The following CFAP47 variants were observed in gnomAD, a reference collection of about 807,000 sequenced individuals.
The protein encoded by CFAP47 is cilia and flagella associated protein 47, also known as cilia- and flagella-associated protein 47.
Under a neutral mutation model 148.1 loss-of-function variants are expected in CFAP47, and 29 were observed. The observed-to-expected ratio is 0.20, with a 90% confidence interval of 0.15 to 0.27. CFAP47 has a LOEUF of 0.27. Ranked by LOEUF, CFAP47 falls within the 10% of genes least tolerant of loss-of-function variation. The pLI is 1.00. For synonymous variants in CFAP47, 664 were observed against 577.3 expected (o/e 1.15, Z -2.15); for missense variants, 1,872 against 1,697.5 (o/e 1.10, Z -1.81).
In CFAP47 at chrX:35,953,645, C is replaced by T. The variant is rs771109533; in HGVS notation, c.1100C>T (p.Ala367Val). The T allele has an allele frequency of 3.3e-6, 4 of 1,197,217 alleles. No homozygotes were observed. The Admixed American group carries it at 8.8e-5, about 26-fold the overall frequency. Residue 367 changes from alanine (A) to valine (V), a missense_variant, in exon 7 of 64, where the codon GCT becomes GTT. Coordinates refer to ENST00000378653, the MANE Select transcript of CFAP47 (RefSeq NM_001304548.2). ...GGACCTTCATACAGACAGGACTATG[C>T]TCTCTTTTTGAGATTTGAGTCCGTA... ...DIGPSYRQDY[A>V]LFLRFESVGS...
At chrX:36,009,657 G>C (rs937384209) in intron 21 of CFAP47, among the ~76,000 whole-genome samples, 2 of 112,083 alleles carry the variant, frequency 1.8e-5, no homozygotes, top group Non-Finnish European at 3.8e-5. Flanking sequence ...TATAAGAATG[G>C]ACTGTACATA....
At chrX:36,107,777 A>G (rs1362357078) in intron 33 of CFAP47, among the ~76,000 whole-genome samples, 1 of 111,552 alleles carries the variant, frequency 9.0e-6, no homozygotes, top group Non-Finnish European at 1.9e-5. Flanking sequence ...ATTACCATAT[A>G]TAACATTCTT....
In CFAP47 at chrX:35,964,093, C is replaced by G. The variant is rs778480865; in HGVS notation, c.1411-2472C>G. Among the ~76,000 whole-genome samples the G allele has an allele frequency of 2.7e-5, 3 of 111,619 alleles. No individual in the cohort carries two copies. In the East Asian group the frequency reaches 8.4e-4, roughly 31 times the overall value. ...TCCTTGTCTGAATTTGAGTTACTAT[C>G]AAGTGTCCTTTTACTTCATTGTGAA... On this transcript the variant is annotated intron_variant, in intron 8 of 63. Coordinates refer to ENST00000378653, the MANE Select transcript of CFAP47 (RefSeq NM_001304548.2).
At chrX:35,928,571 G>A (rs1395582727) in intron 2 of CFAP47, among the ~76,000 whole-genome samples, 2 of 110,593 alleles carry the variant, frequency 1.8e-5, no homozygotes, top group Non-Finnish European at 3.8e-5. Flanking sequence ...ATGGTTATGT[G>A]GCTTGCAAAT....
chrX:36,334,576 C>T (rs1407949244), intron 57 of CFAP47, among the ~76,000 whole-genome samples: 1 of 111,001 alleles, frequency 9.0e-6, no homozygotes, highest in African/African-American at 3.3e-5. Flanking sequence ...TTGATGACAC[C>T]TGAAGAGTTG....
intron 2 of CFAP47, among the ~76,000 whole-genome samples, chrX:35,935,662 A>C (rs756725040): frequency 9.2e-6 from 1 of 109,173 alleles, no homozygotes; most frequent in South Asian, 4.0e-4. Context: ...CCACTTGAAG[A>C]ATTTTTTTAG....
chrX:36,199,322 A>G (rs1939952147), intron 42 of CFAP47, among the ~76,000 whole-genome samples: 1 of 112,246 alleles, frequency 8.9e-6, no homozygotes. Flanking sequence ...CTTGAAGCCT[A>G]GTAGCTAAGA....
At position 36,361,460 on chromosome X, in the gene CFAP47, A is replaced by G; in HGVS notation, c.8982A>G (p.Thr2994=). 1 of 1,084,782 alleles carries G rather than the reference A, an allele frequency of 9.2e-7. No homozygotes were observed. Among genetic ancestry groups the G allele is most frequent in the East Asian group, 3.4e-5 (1 of 29,819 alleles). The allele number at this position is 1,084,782 out of a possible 1,213,427, so 89.4% of individuals were successfully genotyped here. ...KSYDIMAKRI[T]FIFNLVFTPK... ...ATGATATTATGGCTAAAAGGATAAC[A>G]TTTATCTTCAATCTGGTATTCACAC... The change falls in exon 61 of 64, where the codon ACA becomes ACG. Residue 2994 remains threonine, a synonymous_variant. Coordinates refer to ENST00000378653, the MANE Select transcript of CFAP47 (RefSeq NM_001304548.2).
intron 8 of CFAP47, among the ~76,000 whole-genome samples, chrX:35,965,154 T>A (rs1022505632): frequency 1.3e-4 from 14 of 111,656 alleles, no homozygotes; most frequent in African/African-American, 4.5e-4. Context: ...TTAGTGATTC[T>A]CTAGACTAAT....
chrX:36,101,027 C>G (rs777453640), intron 32 of CFAP47, among the ~76,000 whole-genome samples: 1 of 111,098 alleles, frequency 9.0e-6, no homozygotes, highest in African/African-American at 3.3e-5. Flanking sequence ...CTGCATGATT[C>G]CTGACTTGCT....
At chrX:35,939,878 C>T (rs755057409) in intron 2 of CFAP47, among the ~76,000 whole-genome samples, 5,737 of 99,775 alleles carry the variant, frequency 0.057, 515 homozygotes, top group African/African-American at 0.2. Flanking sequence ...ACACTGACTT[C>T]CACAAGGGTT....
intron 36 of CFAP47, among the ~76,000 whole-genome samples, chrX:36,147,685 A>G (rs1223959629): frequency 8.9e-6 from 1 of 112,527 alleles, no homozygotes; most frequent in Admixed American, 9.3e-5. Flanking sequence ...TAAAGAAACT[A>G]AAGTTGGAAA....
intron 10 of CFAP47, among the ~76,000 whole-genome samples, chrX:35,969,566 A>G (rs1280784877): frequency 8.9e-6 from 1 of 112,038 alleles, no homozygotes; most frequent in Admixed American, 9.6e-5. Flanking sequence ...GCTGATAAGG[A>G]TTTAGATATG....
In CFAP47 at chrX:35,971,765, G is replaced by C; in HGVS notation, c.2150G>C (p.Arg717Thr). The C allele has an allele frequency of 8.3e-7, 1 of 1,206,379 alleles. No homozygotes were observed. Among genetic ancestry groups the C allele is most frequent in the South Asian group, 1.8e-5 (1 of 56,233 alleles). Residue 717 changes from arginine (R) to threonine (T), a missense_variant, in exon 12 of 64, where the codon AGA becomes ACA. Arg to Thr is a moderately conservative substitution (Grantham distance 71). Transcript: ENST00000378653. ...GCATCTCAGGAGGAAGAGTCTGTGA[G>C]AAGAAAGGCACGTGCAATGTTTTAC... ...GIASQEEESVRRKVLKGLKSE... is the reference protein window; with the variant it reads ...GIASQEEESVTRKVLKGLKSE...
intron 1 of CFAP47, among the ~76,000 whole-genome samples, chrX:35,923,552 G>C (rs955978681): frequency 9.0e-6 from 1 of 110,672 alleles, no homozygotes; most frequent in Non-Finnish European, 1.9e-5. Flanking sequence ...TGGGCACGAC[G>C]GCTCATGCCT....
At chrX:36,305,743 T>C (rs1383118021) in intron 54 of CFAP47, among the ~76,000 whole-genome samples, 1 of 111,849 alleles carries the variant, frequency 8.9e-6, no homozygotes, top group Non-Finnish European at 1.9e-5. Flanking sequence ...TGAAAGACTA[T>C]ATAAAATGCA....
At chrX:36,335,227 C>G (rs1473515791) in intron 57 of CFAP47, among the ~76,000 whole-genome samples, 1 of 111,014 alleles carries the variant, frequency 9.0e-6, no homozygotes, top group Non-Finnish European at 1.9e-5. Context: ...GATACTAAGA[C>G]GAGATATGGT....
intron 35 of CFAP47, 138 bp from the exon 36 acceptor site, chrX:36,145,081 G>A (rs908799990): frequency 3.6e-6 from 1 of 280,635 alleles, no homozygotes; most frequent in South Asian, 1.2e-4. Flanking sequence ...ATATGCGTGT[G>A]TGTGTGTGTG....
intron 33 of CFAP47, among the ~76,000 whole-genome samples, chrX:36,132,226 T>C (rs1216259471): frequency 9.0e-6 from 1 of 111,194 alleles, no homozygotes; most frequent in Non-Finnish European, 1.9e-5. Context: ...TCAGAAGTGA[T>C]GTAATATAAA....
Sources: gnomAD v4.1 joint callset for allele counts (sites outside exome capture counted in the v4.1 genomes callset) on GRCh38, gnomAD v4.1.1 for gene constraint, MANE v1.5 for transcripts, NCBI Gene and HGNC (gene_info 2026-07-23, HGNC 2026-07-21) for gene names.